The following CPAMD8 variants were observed in gnomAD, a reference collection of about 807,000 sequenced individuals.
The protein encoded by CPAMD8 is C3 and PZP-like alpha-2-macroglobulin domain-containing protein 8.
In CPAMD8, 146 loss-of-function variants were observed where a neutral mutation model predicts 224.7. The ratio of observed to expected loss-of-function variants is 0.65; its 90% CI spans 0.57 to 0.75. The LOEUF is 0.75. Ranked by LOEUF, CPAMD8 falls within the 30% of genes least tolerant of loss-of-function variation. CPAMD8 has a pLI of 0.00. For missense variants in CPAMD8, 2,301 were observed against 2,537.5 expected (o/e 0.91, Z 2.00); for synonymous variants, 966 against 1,044.6 (o/e 0.92, Z 1.45).
chr19:16,969,060 G>A (rs1383670846), intron 18 of CPAMD8, among the ~76,000 whole-genome samples: 1 of 152,194 alleles, frequency 6.6e-6, no homozygotes, highest in African/African-American at 2.4e-5. Context: ...TGAGAGGAAG[G>A]AGAAAGGACA....
chr19:16,996,743 T>C (rs1263075491), intron 11 of CPAMD8, among the ~76,000 whole-genome samples: 1 of 146,182 alleles, frequency 6.8e-6, no homozygotes, highest in Non-Finnish European at 1.5e-5. Context: ...CACTTGAACC[T>C]GGGAGACGGA....
intron 1 of CPAMD8, among the ~76,000 whole-genome samples, chr19:17,023,383 T>G (rs369961108): frequency 2.6e-4 from 39 of 152,088 alleles, no homozygotes; most frequent in African/African-American, 8.9e-4. Flanking sequence ...CATGGAAAAT[T>G]ACAAAGGCCC....
At chr19:16,998,900 C>G (rs1474135111) in intron 10 of CPAMD8, among the ~76,000 whole-genome samples, 1 of 152,084 alleles carries the variant, frequency 6.6e-6, no homozygotes, top group African/African-American at 2.4e-5. Context: ...TAGCATGAGA[C>G]ATAATAGCCA....
In CPAMD8 at chr19:16,989,814, G is replaced by A. The variant is rs747872375; in HGVS notation, c.1267-43C>T. On this transcript the variant is annotated intron_variant, in intron 12 of 41. Transcript: ENST00000443236. Reference sequence around the variant, plus strand: ...TTAGATCAACACCCGAGTGCCAAGAGCAGAAAGGGGGTCTTGGGGATGCTT... The same window carrying A: ...TTAGATCAACACCCGAGTGCCAAGAACAGAAAGGGGGTCTTGGGGATGCTT... 4 of 1,596,748 alleles carry A rather than the reference G, an allele frequency of 2.5e-6. No homozygotes were observed. In the South Asian group the frequency reaches 3.3e-5, roughly 13 times the overall value.
At position 16,901,775 on chromosome 19, in the gene CPAMD8, A is replaced by G. The variant is rs370501287; in HGVS notation, c.4686-478T>C. ...CTGGGCACTCTCTGGAGCCTGCAAT[A>G]TGCCAGGCGCTTCCTATAGGGCGTT... On this transcript the variant is annotated intron_variant, in intron 35 of 41. Transcript: ENST00000443236. Among the ~76,000 whole-genome samples, 8 of 152,248 alleles carry G rather than the reference A, an allele frequency of 5.3e-5. No homozygotes were observed. The South Asian group carries it at 1.7e-3, about 32-fold the overall frequency.
At chr19:17,012,123 A>G (rs988480771) in intron 3 of CPAMD8, among the ~76,000 whole-genome samples, 1 of 151,900 alleles carries the variant, frequency 6.6e-6, no homozygotes, top group Non-Finnish European at 1.5e-5. Context: ...AGCTCAAATG[A>G]TTCTCCCACC....
At chr19:16,973,745 G>C (rs918107619) in intron 17 of CPAMD8, among the ~76,000 whole-genome samples, 16 of 151,962 alleles carry the variant, frequency 1.1e-4, no homozygotes, top group African/African-American at 3.9e-4. Flanking sequence ...CCTGAAGGGC[G>C]AAGCATGCTC....
chr19:16,972,553 T>C (rs1330941073), intron 17 of CPAMD8, among the ~76,000 whole-genome samples: 2 of 151,930 alleles, frequency 1.3e-5, no homozygotes, highest in Non-Finnish European at 2.9e-5. Context: ...TCCTGCCTCA[T>C]TCTCCTGAGT....
rs951681620 is a variant in CPAMD8 at position 16,896,490 on chromosome 19, G to A, written c.5241C>T (p.Pro1747=). Residue 1747 remains proline (P), a synonymous_variant, in exon 40 of 42, where the codon CCC becomes CCT. Transcript: ENST00000443236. ...LREAACRQAA[P]LEPAPPSCCA... ...AGCAGCTGGGAGGCGCGGGCTCCAG[G>A]GGCGCGGCCTGGCGGCAGGCGGCCT... is the stretch of plus-strand genomic sequence containing the variant. 13 of 1,431,976 alleles carry A rather than the reference G, an allele frequency of 9.1e-6. No individual in the cohort carries two copies. The highest frequency in any genetic ancestry group is 1.2e-5 in the Non-Finnish European group (13 of 1,103,858). 88.7% of individuals were successfully genotyped at this position (1,431,976 alleles called of 1,614,324 possible).
chr19:16,964,721 C>CCAA (rs2054769357), intron 18 of CPAMD8, among the ~76,000 whole-genome samples: 1 of 152,108 alleles, frequency 6.6e-6, no homozygotes, highest in African/African-American at 2.4e-5. Flanking sequence ...CAAAGCCTGG[C>CCAA]AGAGACACAA....
chr19:16,942,203 T>C (rs1192814940), intron 22 of CPAMD8, among the ~76,000 whole-genome samples: 2 of 152,164 alleles, frequency 1.3e-5, no homozygotes, highest in Non-Finnish European at 2.9e-5. Context: ...GGCTCATGCC[T>C]GTAATCCCAG....
intron 22 of CPAMD8, among the ~76,000 whole-genome samples, chr19:16,942,770 C>G (rs1188019896): frequency 6.6e-6 from 1 of 152,204 alleles, no homozygotes; most frequent in African/African-American, 2.4e-5. Flanking sequence ...TGCACTTGTC[C>G]ATCCTGGTTC....
intron 20 of CPAMD8, among the ~76,000 whole-genome samples, chr19:16,948,475 G>A (rs1039208870): frequency 1.3e-5 from 2 of 152,046 alleles, no homozygotes; most frequent in African/African-American, 2.4e-5. Flanking sequence ...GGCTGGGTGC[G>A]GTGGCTCACA....
In CPAMD8 at chr19:16,931,178, G is replaced by A. The variant is rs547494699; in HGVS notation, c.2846-1938C>T. Among the ~76,000 whole-genome samples, 3 of 152,222 alleles carry A rather than the reference G, an allele frequency of 2.0e-5. No homozygotes were observed. In the South Asian group the frequency reaches 6.2e-4, roughly 32 times the overall value. ...CCCGAGCATTCCACCAGAGACCTAAGAATCACCCCACCCCTGCCTACCATA... is the reference window on the plus strand; with the variant it reads ...CCCGAGCATTCCACCAGAGACCTAAAAATCACCCCACCCCTGCCTACCATA... On this transcript the variant is annotated intron_variant, in intron 23 of 41. Coordinates refer to ENST00000443236, the MANE Select transcript of CPAMD8 (RefSeq NM_015692.5).
chr19:17,010,884 A>G (rs1568598635), intron 5 of CPAMD8, among the ~76,000 whole-genome samples: 1 of 151,964 alleles, frequency 6.6e-6, no homozygotes, highest in Non-Finnish European at 1.5e-5. Context: ...TCAGCTGGGC[A>G]TGGTGGCACA....
chr19:17,011,652 C>T lies in CPAMD8; in HGVS notation c.373G>A (p.Gly125Ser), dbSNP rs921032257. The T allele has an allele frequency of 3.7e-6, 6 of 1,613,984 alleles. No homozygotes were observed. The highest frequency in any genetic ancestry group is 2.2e-5 in the East Asian group (1 of 44,886). The change falls in exon 4 of 42, where the codon GGC (glycine) becomes AGC (serine). Residue 125 changes from glycine to serine, a missense_variant. By Grantham distance (56) the Gly-to-Ser change is moderately conservative (BLOSUM62 0). Around this residue, in one of 4 missense-constraint regions of CPAMD8, gnomAD observed 283 missense variants for 340.6 expected, o/e 0.83. Transcript: ENST00000443236. ...FHNQTSVTVD[G>S]RGASVFIQTD... ...TGGATGAATACAGAAGCGCCCCGGC[C>T]GTCCACGGTCACCGAGGTCTGGTTG...
chr19:16,950,045 C>T (rs1429479077), intron 20 of CPAMD8, among the ~76,000 whole-genome samples: 2 of 152,150 alleles, frequency 1.3e-5, no homozygotes, highest in Admixed American at 6.5e-5. Flanking sequence ...TGCCTGTAAT[C>T]CCAGCATTTT....
Position 17,014,043 on chromosome 19 carries a change from C to CTCTCTT in CPAMD8, c.268-2287_268-2286insAAGAGA, listed in dbSNP as rs773922267. On this transcript the variant is annotated intron_variant, in intron 3 of 41. Transcript: ENST00000443236. Reference sequence around the variant, plus strand: ...CCATCCCTCCCTTCTTTCTTTCTTTCTCTTTCTCTTTCTTTCTTTTGTTTT... The same window carrying CTCTCTT: ...CCATCCCTCCCTTCTTTCTTTCTTTCTCTCTTTCTTTCTCTTTCTTTCTTTTGTTTT... Among the ~76,000 whole-genome samples, 373 of 138,246 alleles carry CTCTCTT rather than the reference C, an allele frequency of 2.7e-3. 1 individual carries two copies. Among genetic ancestry groups the CTCTCTT allele is most frequent in the African/African-American group, 9.1e-3 (343 of 37,608 alleles). 90.7% of individuals were successfully genotyped at this position (138,246 alleles called of 152,430 possible).
At chr19:16,994,445 C>T (rs1381319944) in intron 11 of CPAMD8, among the ~76,000 whole-genome samples, 1 of 151,780 alleles carries the variant, frequency 6.6e-6, no homozygotes, top group African/African-American at 2.4e-5. Context: ...TAAAACAGCC[C>T]TCAGCTGTGC....
Sources: allele counts gnomAD v4.1 joint callset (sites outside exome capture counted in the v4.1 genomes callset), GRCh38; gene constraint gnomAD v4.1.1; regional missense constraint gnomAD v4.1.1; transcripts MANE v1.5; gene names NCBI Gene and HGNC (gene_info 2026-07-23, HGNC 2026-07-21).